The following CACNA1I variants were observed in gnomAD, a reference collection of about 807,000 sequenced individuals.
CACNA1I encodes the protein voltage-dependent T-type calcium channel subunit alpha-1I.
CACNA1I carries 74 observed loss-of-function variants against 201.6 expected under a neutral mutation model. The ratio of observed to expected loss-of-function variants is 0.37; its 90% CI spans 0.30 to 0.45. CACNA1I has a LOEUF of 0.45. Ranked by LOEUF, CACNA1I falls within the 20% of genes least tolerant of loss-of-function variation. The pLI is 1.00. For synonymous variants in CACNA1I, 1,431 were observed against 1,345.2 expected (o/e 1.06, Z -1.40); for missense variants, 2,346 against 3,138.1 (o/e 0.75, Z 6.03).
intron 1 of CACNA1I, among the ~76,000 whole-genome samples, chr22:39,573,142 G>A (rs929493554): frequency 2.6e-5 from 4 of 152,108 alleles, no homozygotes; most frequent in Non-Finnish European, 4.4e-5. Flanking sequence ...AGAAGGGGGC[G>A]GCCGCAGGAA....
chr22:39,638,422 C>T (rs970954505), intron 5 of CACNA1I, among the ~76,000 whole-genome samples: 1 of 152,196 alleles, frequency 6.6e-6, no homozygotes, highest in African/African-American at 2.4e-5. Context: ...CCAAATTGCC[C>T]TCTAAGAAGG....
rs574334030 is a variant in CACNA1I at position 39,666,785 on chromosome 22, CACCTGGGAGGGGAGCCACAGG to C, written c.4104+780_4104+800del. On this transcript the variant is annotated intron_variant, in intron 23 of 36. Transcript: ENST00000402142. This position sits in a 1 kb window ranked among gnomAD's most constrained non-coding sequence, Gnocchi z 4.1. ...CACTGGAGGGCTTGCCCCACAATGG[CACCTGGGAGGGGAGCCACAGG>C]GCCTTGGAGGGGTAGTGAGTGCCCA... is the stretch of plus-strand genomic sequence containing the variant. Among the ~76,000 whole-genome samples the C allele has an allele frequency of 4.1e-4, 63 of 152,326 alleles. 1 individual carries two copies. The East Asian group carries it at 0.01, about 25-fold the overall frequency.
intron 2 of CACNA1I, 79 bp from the exon 3 acceptor site, chr22:39,600,441 C>T: frequency 2.4e-6 from 3 of 1,259,248 alleles, no homozygotes; most frequent in East Asian, 2.4e-5. Context: ...GTGTCCCCAC[C>T]TCACACTGTG....
rs754467442 is a variant in CACNA1I, at chr22:39,662,092, A to G, written c.3029A>G (p.Glu1010Gly). ...SAEHESLLSA[E>G]RGGGARVCEV... ...GAGCATGAGTCCCTGCTCTCTGCGG[A>G]GCGCGGCGGCGGCGCCCGGGTCTGC... The change falls in exon 17 of 37, where the codon GAG becomes GGG. Residue 1010 changes from glutamate (E) to glycine (G), a missense_variant. By Grantham distance (98) the Glu-to-Gly change is moderately conservative. Coordinates refer to ENST00000402142, the MANE Select transcript of CACNA1I (RefSeq NM_021096.4). The G allele has an allele frequency of 1.3e-6, 2 of 1,529,750 alleles. No homozygotes were observed. Among genetic ancestry groups the G allele is most frequent in the Non-Finnish European group, 1.7e-6 (2 of 1,143,098 alleles). The allele number at this position is 1,529,750 out of a possible 1,614,324, so 94.8% of individuals were successfully genotyped here.
At position 39,684,544 on chromosome 22, in the gene CACNA1I, G is replaced by C; in HGVS notation, c.6027+46G>C. On this transcript the variant is annotated intron_variant, in intron 36 of 36. Coordinates refer to ENST00000402142, the MANE Select transcript of CACNA1I (RefSeq NM_021096.4). This position sits in a 1 kb window ranked among gnomAD's most constrained non-coding sequence, Gnocchi z 4.6. The stretch of plus-strand genomic sequence containing the variant: ...CTAGAGCACTGGTCTGTGGGCAAGG[G>C]GCAGGATCTAAGCCAGGCCTGGAAG... 1.3e-5 allele frequency: 21 copies of C among 1,582,848 alleles called. No individual in the cohort carries two copies. The highest frequency in any genetic ancestry group is 1.8e-5 in the Non-Finnish European group (21 of 1,161,028).
At chr22:39,594,956 A>T (rs989733012) in intron 1 of CACNA1I, among the ~76,000 whole-genome samples, 3 of 152,256 alleles carry the variant, frequency 2.0e-5, no homozygotes, top group Non-Finnish European at 4.4e-5. Flanking sequence ...TTAATTTATA[A>T]ATCAGGCATT....
At chr22:39,625,139 CT>C (rs1291468614) in intron 4 of CACNA1I, among the ~76,000 whole-genome samples, 2 of 152,158 alleles carry the variant, frequency 1.3e-5, no homozygotes, top group African/African-American at 4.8e-5. Flanking sequence ...AACTCCTGAC[CT>C]TGTGATCCAC....
chr22:39,629,211 A>G lies in CACNA1I; in HGVS notation c.581-5354A>G, dbSNP rs1380726397. Among the ~76,000 whole-genome samples, 1 of 151,986 alleles carries G rather than the reference A, an allele frequency of 6.6e-6. No homozygotes were observed. The highest frequency in any genetic ancestry group is 1.5e-5 in the Non-Finnish European group (1 of 67,978). Reference sequence around the variant, plus strand: ...GACCGTCCTCACCCTGGTGCTCCACATGACGCTCCCGGGCCAGACTGTTCT... The same window carrying G: ...GACCGTCCTCACCCTGGTGCTCCACGTGACGCTCCCGGGCCAGACTGTTCT... On this transcript the variant is annotated intron_variant, in intron 4 of 36. Transcript: ENST00000402142. The surrounding 1 kb of genome is among the most constrained non-coding windows in gnomAD (Gnocchi z 4.8).
At position 39,647,232 on chromosome 22, in the gene CACNA1I, C is replaced by T. The variant is rs570493465; in HGVS notation, c.1462+351C>T. ...GTCTCGGAAAGCTAAAATTCTTCCC[C>T]CCCACTGCAGCCACATCACTCCCTT... On this transcript the variant is annotated intron_variant, in intron 8 of 36. Coordinates refer to ENST00000402142, the MANE Select transcript of CACNA1I (RefSeq NM_021096.4). Among the ~76,000 whole-genome samples, 42 of 152,324 alleles carry T rather than the reference C, an allele frequency of 2.8e-4. 1 individual carries two copies. In the South Asian group the frequency reaches 8.1e-3, roughly 29 times the overall value.
Position 39,649,777 on chromosome 22 carries a change from C to G in CACNA1I, c.1844C>G (p.Ala615Gly). The G allele has an allele frequency of 1.2e-6, 2 of 1,605,992 alleles. No individual in the cohort carries two copies. The highest frequency in any genetic ancestry group is 2.2e-5 in the South Asian group (2 of 90,004). ...LGKEEEEEEQ[A>G]DGAVWLCGDV... ...AAGGAGGAGGAGGAGGAGGAGCAGGCGGATGGGGCGGTCTGGCTGTGCGGG... is the reference window on the plus strand; with the variant it reads ...AAGGAGGAGGAGGAGGAGGAGCAGGGGGATGGGGCGGTCTGGCTGTGCGGG... The change falls in exon 10 of 37, where the codon GCG becomes GGG. Residue 615 changes from alanine to glycine, a missense_variant. This residue lies in a region of CACNA1I where 312 missense variants were observed against 331.5 expected (regional missense o/e 0.94). Coordinates refer to ENST00000402142, the MANE Select transcript of CACNA1I (RefSeq NM_021096.4). The surrounding 1 kb of genome is among the most constrained non-coding windows in gnomAD (Gnocchi z 7.3).
At chr22:39,631,821 A>G (rs1934071926) in intron 4 of CACNA1I, among the ~76,000 whole-genome samples, 1 of 152,176 alleles carries the variant, frequency 6.6e-6, no homozygotes, top group African/African-American at 2.4e-5. Context: ...TGGGCATGAA[A>G]GGAAGATTAG....
intron 5 of CACNA1I, among the ~76,000 whole-genome samples, chr22:39,639,885 C>T (rs755155399): frequency 1.7e-4 from 26 of 152,206 alleles, no homozygotes; most frequent in Non-Finnish European, 3.1e-4. Flanking sequence ...GTATTTTGCT[C>T]TCTTATAGAT....
At chr22:39,630,323 T>C (rs1201923994) in intron 4 of CACNA1I, among the ~76,000 whole-genome samples, 1 of 152,244 alleles carries the variant, frequency 6.6e-6, no homozygotes, top group African/African-American at 2.4e-5. Context: ...CCATGTGGTT[T>C]ATTTATTATT....
At chr22:39,601,884 TTTCTTTCACC>T in intron 3 of CACNA1I, among the ~76,000 whole-genome samples, 2 of 33,826 alleles carry the variant, frequency 5.9e-5, no homozygotes, top group Admixed American at 4.7e-4. Context: ...CTTCTCTCTC[TTTCTTTCACC>T]CTCCCTCCCT....
intron 26 of CACNA1I, 137 bp from the exon 27 acceptor site, chr22:39,672,062 A>G (rs537729249): frequency 1.6e-6 from 1 of 637,706 alleles, no homozygotes; most frequent in African/African-American, 1.8e-5. Flanking sequence ...TGGAAAGAAT[A>G]AAAGCAGCAT....
At chr22:39,656,324 C>T (rs1601502415) in intron 10 of CACNA1I, 1 of 498,428 alleles carries the variant, frequency 2.0e-6, no homozygotes, top group Non-Finnish European at 4.0e-6. Context: ...CGGTCCTCTG[C>T]TCTCCCACCT....
chr22:39,646,797 C>T lies in CACNA1I; in HGVS notation c.1378C>T (p.Leu460=). ...CCGCGCCCTGGGCCTCTACCAGGCC[C>T]TGCAGAGCCGGCGCCAGGCCCTGGG... is the stretch of plus-strand genomic sequence containing the variant. ...KRRALGLYQA[L]QSRRQALGPE... Residue 460 remains leucine, a synonymous_variant, in exon 8 of 37, where the codon CTG becomes TTG. Coordinates refer to ENST00000402142, the MANE Select transcript of CACNA1I (RefSeq NM_021096.4). 6.4e-7 allele frequency: 1 copy of T among 1,561,516 alleles called. No individual in the cohort carries two copies. Among genetic ancestry groups the T allele is most frequent in the Non-Finnish European group, 8.7e-7 (1 of 1,153,390 alleles).
At chr22:39,626,465 T>G (rs1227636969) in intron 4 of CACNA1I, among the ~76,000 whole-genome samples, 2 of 152,138 alleles carry the variant, frequency 1.3e-5, no homozygotes, top group Non-Finnish European at 2.9e-5. Context: ...GCAGATAGAT[T>G]GGCATGTGCA....
At chr22:39,658,770 A>G (rs1003655699) in intron 11 of CACNA1I, among the ~76,000 whole-genome samples, 161 bp from the exon 12 acceptor site, 1 of 152,256 alleles carries the variant, frequency 6.6e-6, no homozygotes, top group East Asian at 1.9e-4. Flanking sequence ...AGAGCCCCTG[A>G]TTAGCTTGTG....
Sources: gnomAD v4.1 joint callset for allele counts (sites outside exome capture counted in the v4.1 genomes callset) on GRCh38, gnomAD v4.1.1 for gene constraint, gnomAD v4.1.1 regional missense constraint, Gnocchi (gnomAD v3.1) non-coding constraint, MANE v1.5 for transcripts, NCBI Gene and HGNC (gene_info 2026-07-23, HGNC 2026-07-21) for gene names.